The following RAPGEF2 variants were observed in gnomAD, a reference collection of about 807,000 sequenced individuals.
RAPGEF2 encodes the protein PDZ domain containing guanine nucleotide exchange factor (GEF) 1.
RAPGEF2 carries 54 observed loss-of-function variants against 186.7 expected under a neutral mutation model. The observed-to-expected ratio is 0.29, with a 90% confidence interval of 0.23 to 0.36. The LOEUF (loss-of-function observed/expected upper bound fraction) is 0.36. RAPGEF2 is among the 10% of genes least tolerant of loss of function. The pLI is 1.00. For synonymous variants in RAPGEF2, 712 were observed against 705.9 expected, an observed-to-expected ratio of 1.01 and a Z score of -0.14; for missense variants, 1,532 against 2,045.0, an observed-to-expected ratio of 0.75 and a Z score of 4.84.
At chr4:159,268,849 G>A (rs2110794853) in intron 7 of RAPGEF2, among the ~76,000 whole-genome samples, 1 of 152,164 alleles carries the variant, frequency 6.6e-6, no homozygotes, top group African/African-American at 2.4e-5. Context: ...CCAAGTCAGA[G>A]CCTCCTGTTT....
At chr4:159,248,493 T>C (rs1408058594) in intron 7 of RAPGEF2, among the ~76,000 whole-genome samples, 4 of 152,186 alleles carry the variant, frequency 2.6e-5, no homozygotes, top group Non-Finnish European at 5.9e-5. Context: ...CTAAATTATG[T>C]TGCATTTTAA....
chr4:159,187,305 C>G (rs1384256380), intron 2 of RAPGEF2, among the ~76,000 whole-genome samples: 2 of 151,980 alleles, frequency 1.3e-5, no homozygotes, highest in Non-Finnish European at 1.5e-5. Flanking sequence ...TTCCTCCTCC[C>G]CTTTTTTTTC....
chr4:159,316,101 G>C (rs770358973), intron 9 of RAPGEF2, among the ~76,000 whole-genome samples: 2 of 152,176 alleles, frequency 1.3e-5, no homozygotes, highest in African/African-American at 4.8e-5. Context: ...AGATGCTGAC[G>C]TTACTGCTAG....
chr4:159,171,980 A>G (rs749550471), intron 1 of RAPGEF2, among the ~76,000 whole-genome samples: 1 of 152,100 alleles, frequency 6.6e-6, no homozygotes, highest in Admixed American at 6.6e-5. Flanking sequence ...ATTAGATAAA[A>G]CAGTGAACTA....
chr4:159,120,813 G>C (rs1285357238), intron 1 of RAPGEF2, among the ~76,000 whole-genome samples: 1 of 151,714 alleles, frequency 6.6e-6, no homozygotes. Context: ...AGAGTTTATT[G>C]GGCTGAGACT....
rs560666239 is a variant in RAPGEF2 at position 159,304,465 on chromosome 4, A to G, written c.667A>G (p.Ile223Val). Reference sequence around the variant, plus strand: ...TTCTGGGAGCAGCAGTCTTTCTGATATCTACCAGGTAAGAGGATGTTTTCC... The same window carrying G: ...TTCTGGGAGCAGCAGTCTTTCTGATGTCTACCAGGTAAGAGGATGTTTTCC... ...SDSGSSSLSD[I>V]YQATESEAGD... The change falls in exon 8 of 30, where the codon ATC (isoleucine) becomes GTC (valine). Residue 223 changes from isoleucine to valine, a missense_variant. By Grantham distance (29) the Ile-to-Val change is conservative. Around this residue, in one of 4 missense-constraint regions of RAPGEF2, gnomAD observed 810 missense variants for 1,210.5 expected, o/e 0.67. Transcript: ENST00000691494. 5.6e-6 allele frequency: 9 copies of G among 1,604,246 alleles called. No homozygotes were observed. In the East Asian group the frequency reaches 2.0e-4, roughly 36 times the overall value.
intron 4 of RAPGEF2, among the ~76,000 whole-genome samples, chr4:159,214,500 A>G (rs1343681687): frequency 6.6e-6 from 1 of 152,198 alleles, no homozygotes; most frequent in Non-Finnish European, 1.5e-5. Flanking sequence ...GACAATTTTC[A>G]TTGCCCCTAA....
chr4:159,248,061 C>T (rs1754864911), intron 7 of RAPGEF2, among the ~76,000 whole-genome samples: 1 of 151,908 alleles, frequency 6.6e-6, no homozygotes, highest in South Asian at 2.1e-4. Flanking sequence ...TGCGCCCGGC[C>T]GAAATAATTT....
intron 7 of RAPGEF2, among the ~76,000 whole-genome samples, chr4:159,254,323 A>G (rs1046413228): frequency 6.6e-6 from 1 of 152,214 alleles, no homozygotes; most frequent in Non-Finnish European, 1.5e-5. Context: ...AGCGCAGTGA[A>G]AAAAGCAAGT....
rs140327998 is a variant in RAPGEF2, at chr4:159,254,585, C to T, written c.543+10794C>T. 1.2e-4 allele frequency among the ~76,000 whole-genome samples: 18 copies of T among 149,956 alleles called. No individual in the cohort carries two copies. The East Asian group carries it at 3.5e-3, about 29-fold the overall frequency. On this transcript the variant is annotated intron_variant, in intron 7 of 29. Coordinates refer to ENST00000691494, the MANE Select transcript of RAPGEF2 (RefSeq NM_001394067.2). Reference sequence around the variant, plus strand: ...GATGCTGACAAGTCCAAAATCTGTACCTAATACAGCATGACTTTTTTTTTT... The same window carrying T: ...GATGCTGACAAGTCCAAAATCTGTATCTAATACAGCATGACTTTTTTTTTT...
intron 1 of RAPGEF2, among the ~76,000 whole-genome samples, chr4:159,104,522 G>GAGAC (rs1560964736): frequency 3.5e-4 from 44 of 126,824 alleles, no homozygotes; most frequent in Non-Finnish European, 1.5e-4. Context: ...GAGAGAGAGA[G>GAGAC]AGAGGGAGAG....
chr4:159,333,869 T>C (rs971582017), intron 17 of RAPGEF2, among the ~76,000 whole-genome samples: 3 of 152,250 alleles, frequency 2.0e-5, no homozygotes, highest in Non-Finnish European at 4.4e-5. Flanking sequence ...CAGGACTATA[T>C]CAAACACTTC....
intron 1 of RAPGEF2, among the ~76,000 whole-genome samples, chr4:159,171,908 C>G (rs957071048): frequency 2.6e-5 from 4 of 151,904 alleles, no homozygotes; most frequent in Non-Finnish European, 5.9e-5. Context: ...TTCATACTAC[C>G]GTTCAAGAGT....
intron 1 of RAPGEF2, among the ~76,000 whole-genome samples, chr4:159,186,214 T>A (rs888716505): frequency 2.0e-5 from 3 of 151,924 alleles, no homozygotes; most frequent in African/African-American, 7.2e-5. Flanking sequence ...TTGAAAAAAA[T>A]TGAATTTATA....
At chr4:159,229,015 G>T (rs1752337967) in intron 4 of RAPGEF2, among the ~76,000 whole-genome samples, 1 of 151,998 alleles carries the variant, frequency 6.6e-6, no homozygotes, top group Non-Finnish European at 1.5e-5. Context: ...TTTTTTGTAA[G>T]TCCTAAACAA....
intron 26 of RAPGEF2, chr4:159,352,477 C>A: frequency 2.0e-6 from 1 of 506,756 alleles, no homozygotes; most frequent in Non-Finnish European, 3.5e-6. Flanking sequence ...TTCTTTTTTC[C>A]TCTCTAAACT....
At chr4:159,240,943 T>C in intron 5 of RAPGEF2, 1 of 374,080 alleles carries the variant, frequency 2.7e-6, no homozygotes, top group Non-Finnish European at 4.8e-6. Context: ...TATCCTTCCC[T>C]TTGAAACTAC....
At chr4:159,271,830 T>C (rs1758170558) in intron 7 of RAPGEF2, among the ~76,000 whole-genome samples, 1 of 152,222 alleles carries the variant, frequency 6.6e-6, no homozygotes, top group African/African-American at 2.4e-5. Context: ...AATCATTTTA[T>C]AAAACTTTCA....
At chr4:159,346,701 A>G (rs1017358554) in intron 24 of RAPGEF2, 88 bp from the exon 25 acceptor site, 2 of 1,117,574 alleles carry the variant, frequency 1.8e-6, no homozygotes, top group African/African-American at 3.1e-5. Flanking sequence ...AACTGCAGAA[A>G]ATGCTCACAC....
Sources: gnomAD v4.1 joint callset for allele counts (sites outside exome capture counted in the v4.1 genomes callset) on GRCh38, gnomAD v4.1.1 for gene constraint, gnomAD v4.1.1 regional missense constraint, MANE v1.5 for transcripts, NCBI Gene and HGNC (gene_info 2026-07-23, HGNC 2026-07-21) for gene names.